Variants in SENP3 observed in about 807,000 individuals in gnomAD.
The protein encoded by SENP3 is SUMO specific peptidase 3, also known as sentrin-specific protease 3.
A neutral mutation model predicts 66.2 loss-of-function variants in SENP3; 11 were observed. The observed-to-expected ratio is 0.17, with a 90% CI of 0.10 to 0.28. SENP3 has a LOEUF of 0.28. Among genes scored for constraint, SENP3 ranks in the 10% least tolerant of loss-of-function variants. The pLI, the probability that SENP3 is intolerant of heterozygous loss-of-function variation, is 1.00. For synonymous variants in SENP3, 292 were observed against 277.6 expected (o/e 1.05, Z -0.52); for missense variants, 548 against 743.7 (o/e 0.74, Z 3.06).
chr17:7,570,875 T>G lies in SENP3; in HGVS notation c.1564-8T>G. 6 of 1,612,936 alleles carry G rather than the reference T, an allele frequency of 3.7e-6. No homozygotes were observed. Among genetic ancestry groups the G allele is most frequent in the Non-Finnish European group, 5.1e-6 (6 of 1,179,390 alleles). ...ATGTGAAGGGCCTGCTTTCTTTCTC[T>G]TCTCTAGAATGTGGCCAGGCAGAAT... On this transcript the variant is annotated splice_region_variant and splice_polypyrimidine_tract_variant and intron_variant, in intron 9 of 10. Coordinates refer to ENST00000321337, the MANE Select transcript of SENP3 (RefSeq NM_015670.6). This position sits in a 1 kb window ranked among gnomAD's most constrained non-coding sequence, Gnocchi z 5.4.
rs773309586 is a variant in SENP3, at chr17:7,564,754, A to G, written c.845A>G (p.Gln282Arg). 1.2e-6 allele frequency: 2 copies of G among 1,613,936 alleles called. No individual in the cohort carries two copies. The highest frequency in any genetic ancestry group is 2.7e-5 in the African/African-American group (2 of 74,922). Residue 282 changes from glutamine (Q) to arginine (R), a missense_variant, in exon 3 of 11, where the codon CAG becomes CGG. Coordinates refer to ENST00000321337, the MANE Select transcript of SENP3 (RefSeq NM_015670.6). Reference protein sequence around the residue: ...NVCSIGDHVAQELFQGSDLGM... With the variant: ...NVCSIGDHVARELFQGSDLGM... ...TGCAGCATCGGGGACCATGTGGCCC[A>G]GGAGCTTTTTCAGGGCTCAGATTTG...
Position 7,565,430 on chromosome 17 carries a change from G to A in SENP3, c.1068-10G>A, listed in dbSNP as rs781708600. The A allele has an allele frequency of 1.2e-6, 2 of 1,613,298 alleles. No individual in the cohort carries two copies. The highest frequency in any genetic ancestry group is 1.1e-5 in the South Asian group (1 of 90,850). ...CATCTTTTGTGTGACTCCACCCTTG[G>A]CCTACTCAGGAAGGGCCTGGTGTTG... On this transcript the variant is annotated splice_polypyrimidine_tract_variant and intron_variant, in intron 4 of 10. Coordinates refer to ENST00000321337, the MANE Select transcript of SENP3 (RefSeq NM_015670.6).
chr17:7,564,185 A>T (rs989215222), intron 2 of SENP3, among the ~76,000 whole-genome samples: 1 of 152,222 alleles, frequency 6.6e-6, no homozygotes, highest in Non-Finnish European at 1.5e-5. Context: ...GATCTCTCCC[A>T]GTAGTGGAGT....
rs2071232049 is a variant in SENP3 at position 7,562,929 on chromosome 17, C to A, written c.-11-137C>A. The A allele has an allele frequency of 2.3e-6, 3 of 1,282,970 alleles. No homozygotes were observed. In the South Asian group the frequency reaches 7.5e-5, roughly 32 times the overall value. The allele number at this position is 1,282,970 out of a possible 1,614,324, so 79.5% of individuals were successfully genotyped here. ...TGTGGACCGCGTTAACCGGGAAGAT[C>A]TTAAGTTAGGAGTTTTGCGTTTTTT... On this transcript the variant is annotated intron_variant, in intron 1 of 10. Coordinates refer to ENST00000321337, the MANE Select transcript of SENP3 (RefSeq NM_015670.6). The surrounding 1 kb of genome is among the most constrained non-coding windows in gnomAD (Gnocchi z 5.0).
chr17:7,563,755 A>G lies in SENP3; in HGVS notation c.679A>G (p.Arg227Gly). 6.9e-7 allele frequency: 1 copy of G among 1,458,384 alleles called. No individual in the cohort carries two copies. 90.3% of individuals were successfully genotyped at this position (1,458,384 alleles called of 1,614,324 possible). The change falls in exon 2 of 11, where the codon AGG (arginine) becomes GGG (glycine). Residue 227 changes from arginine to glycine, a missense_variant. Physicochemically the swap from Arg to Gly is moderately radical, Grantham distance 125. This residue lies in a region of SENP3 where 215 missense variants were observed against 230.7 expected (regional missense o/e 0.93). Coordinates refer to ENST00000321337, the MANE Select transcript of SENP3 (RefSeq NM_015670.6). Reference protein sequence around the residue: ...SGPPMEEDGLRWTPKSPLDPD... With the variant: ...SGPPMEEDGLGWTPKSPLDPD... ...GCCCCCCATGGAGGAAGATGGACTC[A>G]GGTGGACTCCAAAGTCTCCTCTGGA...
intron 7 of SENP3, 122 bp downstream of exon 7, chr17:7,567,126 G>T: frequency 4.0e-6 from 3 of 745,726 alleles, no homozygotes; most frequent in Non-Finnish European, 2.4e-6. Flanking sequence ...AACGTCTCTT[G>T]TGTGTGTAGG....
In SENP3 at chr17:7,571,610, A is replaced by G; in HGVS notation, c.*127A>G. 2 of 617,308 alleles carry G rather than the reference A, an allele frequency of 3.2e-6. No homozygotes were observed. 38.2% of individuals were successfully genotyped at this position (617,308 alleles called of 1,614,324 possible). Reference sequence around the variant, plus strand: ...CTTCCCTTTGGTTTTTCATATTTAAATGTTTCAATTTCTGTATTTTTTTTT... The same window carrying G: ...CTTCCCTTTGGTTTTTCATATTTAAGTGTTTCAATTTCTGTATTTTTTTTT... On this transcript the variant is annotated 3_prime_UTR_variant, in exon 11 of 11. Coordinates refer to ENST00000321337, the MANE Select transcript of SENP3 (RefSeq NM_015670.6).
Position 7,563,087 on chromosome 17 carries a change from C to T in SENP3, c.11C>T (p.Thr4Ile). The change falls in exon 2 of 11, where the codon ACT becomes ATT. Residue 4 changes from threonine to isoleucine, a missense_variant. Thr to Ile is a moderately conservative substitution (Grantham distance 89). This residue lies in a region of SENP3 where 164 missense variants were observed against 167.9 expected (regional missense o/e 0.98). Transcript: ENST00000321337. The stretch of plus-strand genomic sequence containing the variant: ...TCAGGGTACTGGAAGATGAAAGAGA[C>T]TATACAAGGGACCGGGTCCTGGGGG... Reference protein sequence around the residue: MKETIQGTGSWGPE... With the variant: MKEIIQGTGSWGPE... 2.0e-6 allele frequency: 3 copies of T among 1,509,558 alleles called. No homozygotes were observed. Among genetic ancestry groups the T allele is most frequent in the Middle Eastern group, 3.6e-4 (2 of 5,512 alleles). The allele number at this position is 1,509,558 out of a possible 1,614,324, so 93.5% of individuals were successfully genotyped here. A position where few individuals can be genotyped will look rare whatever the true frequency, so the allele number is the denominator to read the frequency against.
rs1257659800 is a variant in SENP3 at position 7,570,006 on chromosome 17, C to T, written c.1342-350C>T. On this transcript the variant is annotated intron_variant, in intron 7 of 10. Coordinates refer to ENST00000321337, the MANE Select transcript of SENP3 (RefSeq NM_015670.6). This position sits in a 1 kb window ranked among gnomAD's most constrained non-coding sequence, Gnocchi z 5.4. ...ATAGAAGGTTATTAAGTAGGTTGCC[C>T]ACTGTCATAAGCCAGTAAATGGAGG... Among the ~76,000 whole-genome samples, 1 of 152,156 alleles carries T rather than the reference C, an allele frequency of 6.6e-6. No homozygotes were observed. Among genetic ancestry groups the T allele is most frequent in the Non-Finnish European group, 1.5e-5 (1 of 68,024 alleles).
In SENP3 at chr17:7,562,272, G is replaced by GC; in HGVS notation, c.-12+14dup. On this transcript the variant is annotated intron_variant, in intron 1 of 10. Coordinates refer to ENST00000321337, the MANE Select transcript of SENP3 (RefSeq NM_015670.6). The surrounding 1 kb of genome is among the most constrained non-coding windows in gnomAD (Gnocchi z 5.0). ...CGGCTTCCCCGCTCCCGGTGAGGAC[G>GC]CCCCCTCCCCTCCCCCCAGCCCTGC... The GC allele has an allele frequency of 2.5e-6, 1 of 398,074 alleles. No individual in the cohort carries two copies. Among genetic ancestry groups the GC allele is most frequent in the Non-Finnish European group, 4.4e-6 (1 of 225,674 alleles). The allele number at this position is 398,074 out of a possible 1,614,324, so 24.7% of individuals were successfully genotyped here. A position where few individuals can be genotyped will look rare whatever the true frequency, so the allele number is the denominator to read the frequency against.
At position 7,563,790 on chromosome 17, in the gene SENP3, G is replaced by C. The variant is rs757701948; in HGVS notation, c.714G>C (p.Ser238=). The C allele has an allele frequency of 1.9e-6, 3 of 1,607,578 alleles. No homozygotes were observed. The South Asian group carries it at 3.3e-5, about 18-fold the overall frequency. The change falls in exon 2 of 11, where the codon TCG becomes TCC. Residue 238 remains serine, a splice_region_variant and synonymous_variant. Coordinates refer to ENST00000321337, the MANE Select transcript of SENP3 (RefSeq NM_015670.6). ...WTPKSPLDPD[S]GLLSCTLPNG... ...CAAAGTCTCCTCTGGACCCTGACTC[G>C]GGTAAGGTGGGAAAGGGGTGTGGGG...
intron 7 of SENP3, among the ~76,000 whole-genome samples, chr17:7,569,863 T>C (rs1312625131): frequency 6.6e-6 from 1 of 152,264 alleles, no homozygotes; most frequent in African/African-American, 2.4e-5. Flanking sequence ...GCGTGTTTAC[T>C]TTGTGCTGTG....
At position 7,571,494 on chromosome 17, in the gene SENP3, C is replaced by G. The variant is rs766228256; in HGVS notation, c.*11C>G. ...AAACTCACTGTGTGAGCCTCGTACC[C>G]CAGACCCCAAGCCCATAAATGGGAA... On this transcript the variant is annotated 3_prime_UTR_variant, in exon 11 of 11. Coordinates refer to ENST00000321337, the MANE Select transcript of SENP3 (RefSeq NM_015670.6). 18 of 1,601,788 alleles carry G rather than the reference C, an allele frequency of 1.1e-5. No homozygotes were observed. Among genetic ancestry groups the G allele is most frequent in the Non-Finnish European group, 1.5e-5 (17 of 1,169,386 alleles).
In SENP3 at chr17:7,562,987, G is replaced by T; in HGVS notation, c.-11-79G>T. ...TCTTTATTTGCATCTGAATCCAGAG[G>T]AGGCATGGCCAGGAAGAGAGGCAGG... On this transcript the variant is annotated intron_variant, in intron 1 of 10. Coordinates refer to ENST00000321337, the MANE Select transcript of SENP3 (RefSeq NM_015670.6). The surrounding 1 kb of genome is among the most constrained non-coding windows in gnomAD (Gnocchi z 5.0). 1 of 1,342,318 alleles carries T rather than the reference G, an allele frequency of 7.4e-7. No homozygotes were observed. Among genetic ancestry groups the T allele is most frequent in the Admixed American group, 3.5e-5 (1 of 28,240 alleles). The allele number at this position is 1,342,318 out of a possible 1,614,324, so 83.2% of individuals were successfully genotyped here.
intron 7 of SENP3, among the ~76,000 whole-genome samples, chr17:7,568,772 G>C (rs1024690733): frequency 6.6e-6 from 1 of 152,204 alleles, no homozygotes; most frequent in Non-Finnish European, 1.5e-5. Context: ...TGAGTTCTGT[G>C]AGCTGCTCTA....
rs368860535 is a variant in SENP3 at position 7,569,399 on chromosome 17, G to A, written c.1342-957G>A. ...GACTCCGTCTCAAAAAAAAAAAAAA[G>A]ATTTGTTTTTTCCTCCGCAGGTTGG... is the stretch of plus-strand genomic sequence containing the variant. On this transcript the variant is annotated intron_variant, in intron 7 of 10. Transcript: ENST00000321337. Among the ~76,000 whole-genome samples the A allele has an allele frequency of 3.9e-3, 345 of 89,088 alleles. 4 individuals carry two copies. The highest frequency in any genetic ancestry group is 0.011 in the African/African-American group (301 of 28,282). The allele number at this position is 89,088 out of a possible 152,430, so 58.4% of individuals were successfully genotyped here. A position where few individuals can be genotyped will look rare whatever the true frequency, so the allele number is the denominator to read the frequency against.
chr17:7,563,015 C>T (rs2071233080), intron 1 of SENP3, 51 bp from the exon 2 acceptor site: 1 of 1,376,354 alleles, frequency 7.3e-7, no homozygotes, highest in Non-Finnish European at 9.4e-7. Context: ...GAGGCAGGAT[C>T]TGCGGTGGGG....
chr17:7,563,405 G>GGCC lies in SENP3; in HGVS notation c.330_332dup (p.Pro111dup). ...TGGAGTCAGCTGGGAACCTCCCAGCGGCCCCGCCCTTCCCGCCCCACTCAT... is the reference window on the plus strand; with the variant it reads ...TGGAGTCAGCTGGGAACCTCCCAGCGGCCGCCCCGCCCTTCCCGCCCCACTCAT... On this transcript the variant is annotated inframe_insertion, in exon 2 of 11. Transcript: ENST00000321337. The GGCC allele has an allele frequency of 6.5e-7, 1 of 1,550,336 alleles. No individual in the cohort carries two copies. Among genetic ancestry groups the GGCC allele is most frequent in the Non-Finnish European group, 8.7e-7 (1 of 1,146,484 alleles).
At position 7,563,235 on chromosome 17, in the gene SENP3, G is replaced by A. The variant is rs368753423; in HGVS notation, c.159G>A (p.Gly53=). The A allele has an allele frequency of 1.3e-5, 20 of 1,566,594 alleles. No individual in the cohort carries two copies. The African/African-American group carries it at 2.6e-4, about 20-fold the overall frequency. ...GTGGAGGGTTTGGGCCAGATCCTGG[G>A]TCAGGGACCACAGTGCCAGCCAGAC... ...KSGGGFGPDP[G]SGTTVPARRL... The change falls in exon 2 of 11, where the codon GGG becomes GGA. Residue 53 remains glycine, a synonymous_variant. Transcript: ENST00000321337.
Sources: gnomAD v4.1 joint callset for allele counts (sites outside exome capture counted in the v4.1 genomes callset) on GRCh38, gnomAD v4.1.1 for gene constraint, gnomAD v4.1.1 regional missense constraint, Gnocchi (gnomAD v3.1) non-coding constraint, MANE v1.5 for transcripts, NCBI Gene and HGNC (gene_info 2026-07-23, HGNC 2026-07-21) for gene names.